The following TYSND1 variants were observed in gnomAD, a reference collection of about 807,000 sequenced individuals.
TYSND1 encodes the protein trypsin like peroxisomal matrix peptidase 1, also known as peroxisomal leader peptide-processing protease.
Under a neutral mutation model 37.2 loss-of-function variants are expected in TYSND1, and 30 were observed. The ratio of observed to expected loss-of-function variants is 0.81; its 90% confidence interval spans 0.60 to 1.09. TYSND1 has a LOEUF of 1.09. Ranked by LOEUF, TYSND1 falls within the 50% of genes least tolerant of loss-of-function variation. The pLI is 0.00. For synonymous variants in TYSND1, 364 were observed against 383.8 expected (o/e 0.95, Z 0.60); for missense variants, 806 against 817.4 (o/e 0.99, Z 0.17).
intron 2 of TYSND1, 75 bp downstream of exon 2, chr10:70,143,767 A>T (rs779716076): frequency 1.9e-6 from 3 of 1,573,922 alleles, no homozygotes; most frequent in Non-Finnish European, 2.6e-6. Flanking sequence ...GAGAATGCCC[A>T]ACACTGATTC....
At position 70,140,070 on chromosome 10, in the gene TYSND1, T is replaced by C. The variant is rs762310351; in HGVS notation, c.1555A>G (p.Ile519Val). Residue 519 changes from isoleucine to valine, a missense_variant, in exon 4 of 4, where the codon ATC becomes GTC. This residue lies in a region of TYSND1 where 708 missense variants were observed against 705.4 expected (regional missense o/e 1.00). Coordinates refer to ENST00000287078, the MANE Select transcript of TYSND1 (RefSeq NM_173555.4). Reference protein sequence around the residue: ...TYPHLNFSIPITVLQPALQQY... With the variant: ...TYPHLNFSIPVTVLQPALQQY... ...TGCAGGGCCGGCTGGAGCACCGTGA[T>C]GGGAATGCTGAAGTTCAGGTGGGGG... is the stretch of plus-strand genomic sequence containing the variant. The C allele has an allele frequency of 1.1e-5, 18 of 1,614,086 alleles. No individual in the cohort carries two copies. Among genetic ancestry groups the C allele is most frequent in the Non-Finnish European group, 1.4e-5 (17 of 1,179,968 alleles).
intron 1 of TYSND1, 125 bp from the exon 2 acceptor site, chr10:70,144,097 G>C (rs1179706621): frequency 1.7e-6 from 2 of 1,173,402 alleles, no homozygotes; most frequent in African/African-American, 3.1e-5. Context: ...TCGACCAGCA[G>C]GCAACTCTGG....
rs1290889800 is a variant in TYSND1 at position 70,145,746 on chromosome 10, CCACCACCAG to C, written c.832_840del (p.Leu278_Val280del). 4 of 1,431,552 alleles carry C rather than the reference CCACCACCAG, an allele frequency of 2.8e-6. No individual in the cohort carries two copies. Among genetic ancestry groups the C allele is most frequent in the African/African-American group, 1.5e-5 (1 of 66,154 alleles). 88.7% of individuals were successfully genotyped at this position (1,431,552 alleles called of 1,614,324 possible). A position where few individuals can be genotyped will look rare whatever the true frequency, so the allele number is the denominator to read the frequency against. On this transcript the variant is annotated inframe_deletion, in exon 1 of 4. Coordinates refer to ENST00000287078, the MANE Select transcript of TYSND1 (RefSeq NM_173555.4). ...TCGCCGGCCTTCCAACAGAGCGGCG[CCACCACCAG>C]CGCCACCAGCGCCCCCGCGGGCCGC...
Position 70,145,790 on chromosome 10 carries a change from A to C in TYSND1, c.797T>G (p.Val266Gly). The change falls in exon 1 of 4, where the codon GTG (valine) becomes GGG (glycine). Residue 266 changes from valine (V) to glycine (G), a missense_variant. By Grantham distance (109) the Val-to-Gly change is moderately radical (BLOSUM62 -3). This residue lies in a region of TYSND1 where 708 missense variants were observed against 705.4 expected (regional missense o/e 1.00). Coordinates refer to ENST00000287078, the MANE Select transcript of TYSND1 (RefSeq NM_173555.4). ...RCLPGTEGGGVFTARPAGALV... is the reference protein window; with the variant it reads ...RCLPGTEGGGGFTARPAGALV... ...CGCCCCCGCGGGCCGCGCGGTGAAC[A>C]CGCCGCCGCCCTCGGTGCCGGGCAG... is the stretch of plus-strand genomic sequence containing the variant. 5 of 1,480,148 alleles carry C rather than the reference A, an allele frequency of 3.4e-6. No homozygotes were observed. Among genetic ancestry groups the C allele is most frequent in the Non-Finnish European group, 4.5e-6 (5 of 1,122,254 alleles). 91.7% of individuals were successfully genotyped at this position (1,480,148 alleles called of 1,614,324 possible).
At chr10:70,142,620 G>A (rs908866953) in intron 3 of TYSND1, 48 bp downstream of exon 3, 2 of 1,489,994 alleles carry the variant, frequency 1.3e-6, no homozygotes, top group Non-Finnish European at 1.8e-6. Flanking sequence ...GGGTGGGACT[G>A]AGGTTCTGGC....
chr10:70,140,571 T>A (rs2072753244), intron 3 of TYSND1, among the ~76,000 whole-genome samples: 1 of 152,106 alleles, frequency 6.6e-6, no homozygotes, highest in Non-Finnish European at 1.5e-5. Flanking sequence ...CACAGACATA[T>A]TTTGTTTGGC....
chr10:70,142,317 ACCCCT>A (rs945826246), intron 3 of TYSND1, among the ~76,000 whole-genome samples: 1 of 151,160 alleles, frequency 6.6e-6, no homozygotes, highest in Non-Finnish European at 1.5e-5. Context: ...TTCAGTTTAG[ACCCCT>A]CCCCTCCCCT....
At chr10:70,144,585 G>A (rs2072846772) in intron 1 of TYSND1, 5 of 986,636 alleles carry the variant, frequency 5.1e-6, no homozygotes, top group South Asian at 4.7e-5. Context: ...TGACTTGCCC[G>A]GGATCAGACA....
Position 70,145,514 on chromosome 10 carries a change from G to A in TYSND1, c.1073C>T (p.Ser358Phe), listed in dbSNP as rs776291108. Residue 358 changes from serine (S) to phenylalanine (F), a missense_variant, in exon 1 of 4, where the codon TCC becomes TTC. Physicochemically the swap from Ser to Phe is radical, Grantham distance 155. Transcript: ENST00000287078. ...VLVECGTVWGSGVAVAPRLVV... is the reference protein window; with the variant it reads ...VLVECGTVWGFGVAVAPRLVV... ...AAGGCGGGGTGCCACAGCCACTCCG[G>A]AGCCCCATACGGTGCCGCACTCCAC... 7 of 1,529,352 alleles carry A rather than the reference G, an allele frequency of 4.6e-6. No homozygotes were observed. In the East Asian group the frequency reaches 1.6e-4, roughly 35 times the overall value. The allele number at this position is 1,529,352 out of a possible 1,614,324, so 94.7% of individuals were successfully genotyped here. A position where few individuals can be genotyped will look rare whatever the true frequency, so the allele number is the denominator to read the frequency against.
In TYSND1 at chr10:70,143,889, TC is replaced by T; in HGVS notation, c.1249del (p.Asp417ThrfsTer20). The T allele has an allele frequency of 6.2e-7, 1 of 1,614,160 alleles. No individual in the cohort carries two copies. Among genetic ancestry groups the T allele is most frequent in the Non-Finnish European group, 8.5e-7 (1 of 1,180,030 alleles). On this transcript the variant is annotated frameshift_variant, in exon 2 of 4. Transcript: ENST00000287078. LOFTEE classifies it high-confidence loss of function. ...CACAGGGATGGGGACATCATCCAGGTCCTCCTCCAGGCTCACCACTGCTATG... is the reference window on the plus strand; with the variant it reads ...CACAGGGATGGGGACATCATCCAGGTCTCCTCCAGGCTCACCACTGCTATG... The part of the protein sequence containing the change: ...YDIAVVSLEE[D>X]LDDVPIPVPA...
Position 70,146,241 on chromosome 10 carries a change from C to A in TYSND1, c.346G>T (p.Gly116Cys), listed in dbSNP as rs1478477630. Reference protein sequence around the residue: ...CTPQCASLEPGPPAPSRGRPL... With the variant: ...CTPQCASLEPCPPAPSRGRPL... ...CGCCCGCGGGACGGGGCAGGTGGGC[C>A]GGGCTCGAGGCTCGCGCACTGGGGC... Residue 116 changes from glycine to cysteine, a missense_variant, in exon 1 of 4, where the codon GGC becomes TGC. Physicochemically the swap from Gly to Cys is radical, Grantham distance 159 (BLOSUM62 -3). Transcript: ENST00000287078. 2.0e-6 allele frequency: 3 copies of A among 1,487,292 alleles called. No homozygotes were observed. The highest frequency in any genetic ancestry group is 1.3e-5 in the South Asian group (1 of 74,838). The allele number at this position is 1,487,292 out of a possible 1,614,324, so 92.1% of individuals were successfully genotyped here.
At chr10:70,140,925 T>C (rs533414201) in intron 3 of TYSND1, among the ~76,000 whole-genome samples, 1 of 152,230 alleles carries the variant, frequency 6.6e-6, no homozygotes, top group South Asian at 2.1e-4. Context: ...TTATCTTTCG[T>C]GGCCTTGACA....
chr10:70,146,617 C>A lies in TYSND1; in HGVS notation c.-31G>T. 6.8e-7 allele frequency: 1 copy of A among 1,475,566 alleles called. No homozygotes were observed. The highest frequency in any genetic ancestry group is 2.6e-5 in the East Asian group (1 of 38,080). 91.4% of individuals were successfully genotyped at this position (1,475,566 alleles called of 1,614,324 possible). A position where few individuals can be genotyped will look rare whatever the true frequency, so the allele number is the denominator to read the frequency against. ...CTAGGCCGGACACTCGGGAGCTTCT[C>A]CGAGAAACAGCAAGCTAGCGAGCGA... On this transcript the variant is annotated 5_prime_UTR_variant, in exon 1 of 4. Transcript: ENST00000287078.
Position 70,140,098 on chromosome 10 carries a change from G to A in TYSND1, c.1527C>T (p.Thr509=), listed in dbSNP as rs1564560562. ...SNTRDNNTGA[T]YPHLNFSIPI... ...GAATGCTGAAGTTCAGGTGGGGGTA[G>A]GTGGCCCCCGTATTATTGTCCCGGG... Residue 509 remains threonine, a synonymous_variant, in exon 4 of 4, where the codon ACC becomes ACT. Coordinates refer to ENST00000287078, the MANE Select transcript of TYSND1 (RefSeq NM_173555.4). 1.9e-6 allele frequency: 3 copies of A among 1,613,802 alleles called. No individual in the cohort carries two copies. The highest frequency in any genetic ancestry group is 2.2e-5 in the South Asian group (2 of 91,064).
In TYSND1 at chr10:70,143,845, C is replaced by G. The variant is rs1166688039; in HGVS notation, c.1294G>C (p.Glu432Gln). ...PIPVPAEHFH[E>Q]GEAVSVVGFG... is the part of the protein sequence containing the mutation. Reference sequence around the variant, plus strand: ...GGCTGCGCCCTTCGTCCTTTACCTTCATGGAAGTGCTCAGCGGGCACAGGG... The same window carrying G: ...GGCTGCGCCCTTCGTCCTTTACCTTGATGGAAGTGCTCAGCGGGCACAGGG... Residue 432 changes from glutamate to glutamine, a missense_variant, in exon 2 of 4, where the codon GAA (glutamate) becomes CAA (glutamine). Physicochemically the swap from Glu to Gln is conservative, Grantham distance 29 (BLOSUM62 2). Coordinates refer to ENST00000287078, the MANE Select transcript of TYSND1 (RefSeq NM_173555.4). 2.2e-5 allele frequency: 35 copies of G among 1,614,140 alleles called. No individual in the cohort carries two copies. Among genetic ancestry groups the G allele is most frequent in the Non-Finnish European group, 3.0e-5 (35 of 1,179,990 alleles).
Position 70,140,019 on chromosome 10 carries a change from C to G in TYSND1, c.1606G>C (p.Gly536Arg), listed in dbSNP as rs1376636823. 7.4e-6 allele frequency: 12 copies of G among 1,614,122 alleles called. No individual in the cohort carries two copies. The highest frequency in any genetic ancestry group is 1.3e-5 in the African/African-American group (1 of 74,950). Reference protein sequence around the residue: ...LQQYSQTQDLGGLRELDRAAE... With the variant: ...LQQYSQTQDLRGLRELDRAAE... ...GCGCGGTCCAGCTCACGGAGGCCAC[C>G]TAGGTCTTGGGTCTGGCTGTACTGC... The change falls in exon 4 of 4, where the codon GGT becomes CGT. Residue 536 changes from glycine to arginine, a missense_variant. By Grantham distance (125) the Gly-to-Arg change is moderately radical. Coordinates refer to ENST00000287078, the MANE Select transcript of TYSND1 (RefSeq NM_173555.4).
intron 3 of TYSND1, among the ~76,000 whole-genome samples, chr10:70,142,273 TG>T (rs1205609804): frequency 1.3e-5 from 2 of 152,244 alleles, no homozygotes; most frequent in African/African-American, 4.8e-5. Context: ...TCCTCCTTCA[TG>T]GCCACAGTCT....
rs894430752 is a variant in TYSND1, at chr10:70,145,742, G to A, written c.845C>T (p.Pro282Leu). 1.8e-5 allele frequency: 26 copies of A among 1,428,398 alleles called. No homozygotes were observed. The Admixed American group carries it at 5.2e-4, about 29-fold the overall frequency. The allele number at this position is 1,428,398 out of a possible 1,614,324, so 88.5% of individuals were successfully genotyped here. ...CCATTCGCCGGCCTTCCAACAGAGC[G>A]GCGCCACCACCAGCGCCACCAGCGC... ...AGALVALVVA[P>L]LCWKAGEWVG... is the part of the protein sequence containing the mutation. Residue 282 changes from proline (P) to leucine (L), a missense_variant, in exon 1 of 4, where the codon CCG becomes CTG. Coordinates refer to ENST00000287078, the MANE Select transcript of TYSND1 (RefSeq NM_173555.4).
chr10:70,141,720 CTTTT>C (rs11383709), intron 3 of TYSND1, among the ~76,000 whole-genome samples: 1 of 150,396 alleles, frequency 6.6e-6, no homozygotes, highest in African/African-American at 2.5e-5. Flanking sequence ...ATTTTCCTTT[CTTTT>C]TTTTTAATTA....
Sources: gnomAD v4.1 joint callset for allele counts (sites outside exome capture counted in the v4.1 genomes callset) on GRCh38, gnomAD v4.1.1 for gene constraint, gnomAD v4.1.1 regional missense constraint, MANE v1.5 for transcripts, NCBI Gene and HGNC (gene_info 2026-07-23, HGNC 2026-07-21) for gene names.